Variants in POLR3G observed in about 807,000 individuals in gnomAD.
POLR3G encodes the protein DNA-directed RNA polymerase III subunit RPC7.
In POLR3G, 28 loss-of-function variants were observed where a neutral mutation model predicts 30.1. The observed-to-expected ratio is 0.93, with a 90% confidence interval of 0.69 to 1.27. The LOEUF (loss-of-function observed/expected upper bound fraction) is 1.27, where lower values mean the gene tolerates loss of function less well. Ranked by LOEUF, POLR3G falls within the 50% of genes most tolerant of loss-of-function variation. The pLI is 0.00. For missense variants in POLR3G, 254 were observed against 264.6 expected (o/e 0.96, Z 0.28); for synonymous variants, 79 against 82.5 (o/e 0.96, Z 0.23).
Position 90,483,208 on chromosome 5 carries a change from T to C in POLR3G, c.-43-2317T>C, listed in dbSNP as rs147194958. ...TCGGGGAAACTGATTTAAGGAATAA[T>C]AAAACTCCGGTCTCCCGCACAGCCA... On this transcript the variant is annotated intron_variant, in intron 1 of 7. Transcript: ENST00000651687. 5.9e-3 allele frequency among the ~76,000 whole-genome samples: 877 copies of C among 148,150 alleles called. 10 individuals carry two copies. The highest frequency in any genetic ancestry group is 0.017 in the Admixed American group (260 of 14,898).
chr5:90,506,486 C>G, intron 6 of POLR3G, 42 bp from the exon 7 acceptor site: 2 of 1,597,026 alleles, frequency 1.3e-6, no homozygotes, highest in Non-Finnish European at 1.7e-6. Flanking sequence ...AGTCAGCAGT[C>G]TAGTGGTTTC....
intron 7 of POLR3G, 134 bp downstream of exon 7, chr5:90,506,808 A>T: frequency 7.5e-7 from 1 of 1,325,346 alleles, no homozygotes. Context: ...TATCAATGGC[A>T]TCGATTCCTT....
chr5:90,511,079 A>C (rs1752718915), intron 7 of POLR3G, among the ~76,000 whole-genome samples: 1 of 152,220 alleles, frequency 6.6e-6, no homozygotes, highest in Admixed American at 6.5e-5. Flanking sequence ...ATTCATAGCT[A>C]ATCTTTCAAC....
intron 4 of POLR3G, 24 bp from the exon 5 acceptor site, chr5:90,497,632 T>A: frequency 6.3e-7 from 1 of 1,575,650 alleles, no homozygotes; most frequent in South Asian, 1.2e-5. Flanking sequence ...AACTGCAATT[T>A]TTTATTTTTT....
chr5:90,485,903 T>C (rs1561249103), intron 2 of POLR3G, among the ~76,000 whole-genome samples: 1 of 152,238 alleles, frequency 6.6e-6, no homozygotes. Context: ...TTTAGTACTA[T>C]GTGAACCAGT....
intron 1 of POLR3G, among the ~76,000 whole-genome samples, chr5:90,480,297 A>T (rs148939994): frequency 3.3e-5 from 5 of 152,096 alleles, no homozygotes; most frequent in African/African-American, 1.2e-4. Flanking sequence ...GGATCCAGGG[A>T]CTCTCTCTGA....
At chr5:90,505,104 A>G (rs571353329) in intron 6 of POLR3G, among the ~76,000 whole-genome samples, 1 of 152,328 alleles carries the variant, frequency 6.6e-6, no homozygotes, top group South Asian at 2.1e-4. Flanking sequence ...TTTAATTACA[A>G]GGATTTTTAA....
At chr5:90,503,769 C>T (rs1266110104) in intron 6 of POLR3G, among the ~76,000 whole-genome samples, 1 of 152,122 alleles carries the variant, frequency 6.6e-6, no homozygotes, top group Non-Finnish European at 1.5e-5. Flanking sequence ...GAGTGACATA[C>T]ATTCAAATCT....
chr5:90,495,729 AC>A lies in POLR3G; in HGVS notation c.302del (p.Pro101GlnfsTer10). On this transcript the variant is annotated frameshift_variant, in exon 4 of 8. Coordinates refer to ENST00000651687, the MANE Select transcript of POLR3G (RefSeq NM_006467.3). LOFTEE classifies it high-confidence loss of function. ...TGAAGGTATACAAGGAAGAATGGATACCAGGTAACTACAAAACACACAATAT... is the reference window on the plus strand; with the variant it reads ...TGAAGGTATACAAGGAAGAATGGATACAGGTAACTACAAAACACACAATAT... ...YMKVYKEEWI[P>X]DWRRLPREMM... 1.3e-6 allele frequency: 2 copies of A among 1,597,364 alleles called. No individual in the cohort carries two copies. Among genetic ancestry groups the A allele is most frequent in the Admixed American group, 1.7e-5 (1 of 57,598 alleles).
upstream of POLR3G, chr5:90,474,295 T>C (rs746192761): frequency 5.6e-6 from 9 of 1,612,340 alleles, no homozygotes; most frequent in South Asian, 7.7e-5. Flanking sequence ...GCCGACATGC[T>C]GGGCAGGGGT....
intron 1 of POLR3G, among the ~76,000 whole-genome samples, chr5:90,484,510 G>C (rs939053222): frequency 3.9e-5 from 6 of 152,206 alleles, no homozygotes; most frequent in Non-Finnish European, 7.3e-5. Flanking sequence ...GTTTTACGTA[G>C]TGTTCCTTCA....
At chr5:90,504,111 G>T (rs1044147199) in intron 6 of POLR3G, among the ~76,000 whole-genome samples, 3 of 152,074 alleles carry the variant, frequency 2.0e-5, no homozygotes, top group Non-Finnish European at 4.4e-5. Flanking sequence ...TTAAAAAGTT[G>T]CATAAATCTA....
At chr5:90,510,849 A>C (rs1042931009) in intron 7 of POLR3G, among the ~76,000 whole-genome samples, 2 of 151,030 alleles carry the variant, frequency 1.3e-5, no homozygotes, top group African/African-American at 4.9e-5. Flanking sequence ...AATATATTAA[A>C]AATCCCACTA....
At chr5:90,507,796 C>T (rs1752560268) in intron 7 of POLR3G, among the ~76,000 whole-genome samples, 1 of 152,160 alleles carries the variant, frequency 6.6e-6, no homozygotes, top group Non-Finnish European at 1.5e-5. Context: ...TCACATTTGT[C>T]TCCAGCCTTC....
chr5:90,504,378 G>C (rs988689310), intron 6 of POLR3G, among the ~76,000 whole-genome samples: 1 of 151,686 alleles, frequency 6.6e-6, no homozygotes, highest in Non-Finnish European at 1.5e-5. Flanking sequence ...GGCTAACACA[G>C]TGAAACCCCA....
chr5:90,506,543 G>C lies in POLR3G; in HGVS notation c.454G>C (p.Gly152Arg). The C allele has an allele frequency of 6.2e-7, 1 of 1,612,892 alleles. No individual in the cohort carries two copies. Among genetic ancestry groups the C allele is most frequent in the Non-Finnish European group, 8.5e-7 (1 of 1,179,572 alleles). Residue 152 changes from glycine (G) to arginine (R), a missense_variant, in exon 7 of 8, where the codon GGT becomes CGT. Physicochemically the swap from Gly to Arg is moderately radical, Grantham distance 125. Coordinates refer to ENST00000651687, the MANE Select transcript of POLR3G (RefSeq NM_006467.3). ...LKKMEELEKR[G>R]DGEKSDEENE... ...CTTATACCAGGAATTGGAAAAAAGA[G>C]GTGATGGTGAAAAATCAGATGAGGA...
chr5:90,496,201 C>G (rs544884254), intron 4 of POLR3G, among the ~76,000 whole-genome samples: 1 of 151,988 alleles, frequency 6.6e-6, no homozygotes, highest in African/African-American at 2.4e-5. Flanking sequence ...TTGATCTGAC[C>G]TCATGATCCG....
intron 3 of POLR3G, chr5:90,490,602 T>C (rs1218499913): frequency 6.3e-6 from 2 of 317,904 alleles, no homozygotes; most frequent in African/African-American, 2.7e-5. Flanking sequence ...GAGACGGGAG[T>C]CTTGCTTTTT....
At chr5:90,480,732 T>C (rs1751082286) in intron 1 of POLR3G, among the ~76,000 whole-genome samples, 1 of 152,228 alleles carries the variant, frequency 6.6e-6, no homozygotes, top group African/African-American at 2.4e-5. Flanking sequence ...TGGTAAACTT[T>C]ACCTGGAATT....
Sources: allele counts gnomAD v4.1 joint callset (sites outside exome capture counted in the v4.1 genomes callset), GRCh38; gene constraint gnomAD v4.1.1; transcripts MANE v1.5; gene names NCBI Gene and HGNC (gene_info 2026-07-23, HGNC 2026-07-21).